MYO1G: variants seen among roughly 807,000 people sequenced by gnomAD.
MYO1G encodes unconventional myosin-Ig.
A neutral mutation model predicts 115.3 loss-of-function variants in MYO1G; 65 were observed. That is an observed-to-expected ratio of 0.56 (90% confidence interval 0.46 to 0.69). MYO1G has a LOEUF of 0.69. MYO1G is among the 30% of genes least tolerant of loss of function. The probability of loss-of-function intolerance (pLI) is 0.00; values close to 1 mark genes in which losing one functional copy is unlikely to be tolerated. For synonymous variants in MYO1G, 510 were observed against 552.6 expected, an observed-to-expected ratio of 0.92 and a Z score of 1.08; for missense variants, 1,204 against 1,393.5, an observed-to-expected ratio of 0.86 and a Z score of 2.16.
At position 44,976,872 on chromosome 7, in the gene MYO1G, C is replaced by T. The variant is rs773866590; in HGVS notation, c.295G>A (p.Val99Ile). Residue 99 changes from valine to isoleucine, a missense_variant, in exon 2 of 22, where the codon GTC becomes ATC. Transcript: ENST00000258787. ...MKHRSRDTCIVISGESGAGKT... is the reference protein window; with the variant it reads ...MKHRSRDTCIIISGESGAGKT... Reference sequence around the variant, plus strand: ...CGGCAGGGACAGGTACCTGAGATGACGATGCAGGTGTCCCTGGACCGGTGC... The same window carrying T: ...CGGCAGGGACAGGTACCTGAGATGATGATGCAGGTGTCCCTGGACCGGTGC... 185 of 1,613,178 alleles carry T rather than the reference C, an allele frequency of 1.1e-4. No individual in the cohort carries two copies. The highest frequency in any genetic ancestry group is 1.5e-4 in the Non-Finnish European group (178 of 1,179,990).
rs889780538 is a variant in MYO1G, at chr7:44,963,964, G to T, written c.2745+85C>A. 6.3e-6 allele frequency: 7 copies of T among 1,111,236 alleles called. No individual in the cohort carries two copies. The African/African-American group carries it at 1.1e-4, about 17-fold the overall frequency. 68.8% of individuals were successfully genotyped at this position (1,111,236 alleles called of 1,614,324 possible). ...GTCTGGGCCATCTCAGGTAAACAGG[G>T]GAGAGAAGACTGAGGCAGGACTCTG... On this transcript the variant is annotated intron_variant, in intron 20 of 21. Transcript: ENST00000258787. This position sits in a 1 kb window ranked among gnomAD's most constrained non-coding sequence, Gnocchi z 4.1.
Position 44,969,298 on chromosome 7 carries a change from C to T in MYO1G, c.1574+115G>A. 3 of 911,070 alleles carry T rather than the reference C, an allele frequency of 3.3e-6. No individual in the cohort carries two copies. In the East Asian group the frequency reaches 7.2e-5, roughly 22 times the overall value. 56.4% of individuals were successfully genotyped at this position (911,070 alleles called of 1,614,324 possible). ...CAGTGTCTTAAAGGGGTGGGGGTGG[C>T]AGAAGTGGCCATAACACCTGTCTCC... On this transcript the variant is annotated intron_variant, in intron 12 of 21. Transcript: ENST00000258787. This position sits in a 1 kb window ranked among gnomAD's most constrained non-coding sequence, Gnocchi z 5.0.
rs78541566 is a variant in MYO1G at position 44,977,132 on chromosome 7, G to A, written c.96-61C>T. Reference sequence around the variant, plus strand: ...GCTTACAGGCACCCACAGGCCTTTCGCCAGAGCCCATATCAGGGCCTGGCC... The same window carrying A: ...GCTTACAGGCACCCACAGGCCTTTCACCAGAGCCCATATCAGGGCCTGGCC... On this transcript the variant is annotated intron_variant, in intron 1 of 21. Transcript: ENST00000258787. 2.8e-3 allele frequency: 4,230 copies of A among 1,532,672 alleles called. 103 individuals carry two copies. The African/African-American group carries it at 0.052, about 19-fold the overall frequency. 94.9% of individuals were successfully genotyped at this position (1,532,672 alleles called of 1,614,324 possible).
At position 44,964,206 on chromosome 7, in the gene MYO1G, C is replaced by A; in HGVS notation, c.2632-44G>T. ...GACCCAGGCTGGTGCTGCCCTGTCA[C>A]CCACCAGGGCCCCAGGCTTCGGCAG... On this transcript the variant is annotated intron_variant, in intron 19 of 21. Transcript: ENST00000258787. This position sits in a 1 kb window ranked among gnomAD's most constrained non-coding sequence, Gnocchi z 5.1. 1.3e-6 allele frequency: 2 copies of A among 1,506,934 alleles called. No individual in the cohort carries two copies. The highest frequency in any genetic ancestry group is 9.1e-7 in the Non-Finnish European group (1 of 1,103,110). 93.3% of individuals were successfully genotyped at this position (1,506,934 alleles called of 1,614,324 possible). A position where few individuals can be genotyped will look rare whatever the true frequency, so the allele number is the denominator to read the frequency against.
intron 3 of MYO1G, 64 bp downstream of exon 3, chr7:44,976,500 T>C: frequency 6.6e-7 from 1 of 1,511,352 alleles, no homozygotes. Flanking sequence ...GAGCCAGCCC[T>C]TCCTGCCACA....
chr7:44,973,686 T>C (rs1247363060), intron 5 of MYO1G: 2 of 151,186 alleles, frequency 1.3e-5, no homozygotes, highest in African/African-American at 4.9e-5. Context: ...GTGGAGACCC[T>C]GGCAACGTCC....
At position 44,970,643 on chromosome 7, in the gene MYO1G, G is replaced by A. The variant is rs746021934; in HGVS notation, c.1166C>T (p.Thr389Ile). 4 of 1,613,894 alleles carry A rather than the reference G, an allele frequency of 2.5e-6. No individual in the cohort carries two copies. Among genetic ancestry groups the A allele is most frequent in the Non-Finnish European group, 3.4e-6 (4 of 1,180,042 alleles). Residue 389 changes from threonine (T) to isoleucine (I), a missense_variant, in exon 9 of 22, where the codon ACA becomes ATA. Thr to Ile is a moderately conservative substitution (Grantham distance 89, BLOSUM62 -1). Transcript: ENST00000258787. ...GRDPRRDGKD[T>I]VIGVLDIYGF... is the part of the protein sequence containing the mutation. Reference sequence around the variant, plus strand: ...ATAGATGTCCAGCACGCCAATGACTGTGTCCTTGCCATCACGCCGAGGATC... The same window carrying A: ...ATAGATGTCCAGCACGCCAATGACTATGTCCTTGCCATCACGCCGAGGATC...
chr7:44,970,829 A>G lies in MYO1G; in HGVS notation c.1071+6T>C. On this transcript the variant is annotated splice_donor_region_variant and intron_variant, in intron 8 of 21. Transcript: ENST00000258787. ...GCTTCCCTCCCTGTGCCTGCCCCCA[A>G]AGTACCTTGGCACAGGCATCCCGGG... 1 of 1,613,578 alleles carries G rather than the reference A, an allele frequency of 6.2e-7. No homozygotes were observed. The highest frequency in any genetic ancestry group is 1.1e-5 in the South Asian group (1 of 91,076).
chr7:44,966,655 G>C lies in MYO1G; in HGVS notation c.1949+17C>G, dbSNP rs758078643. 1 of 1,612,914 alleles carries C rather than the reference G, an allele frequency of 6.2e-7. No homozygotes were observed. The highest frequency in any genetic ancestry group is 1.1e-5 in the South Asian group (1 of 91,040). ...GGGACTATGGCCCATGGAGTGATGG[G>C]TGTCAGGTGCCAGTACCTGAGCAGG... On this transcript the variant is annotated intron_variant, in intron 15 of 21. Transcript: ENST00000258787. The surrounding 1 kb of genome is among the most constrained non-coding windows in gnomAD (Gnocchi z 5.0).
At position 44,964,399 on chromosome 7, in the gene MYO1G, T is replaced by G; in HGVS notation, c.2631+16A>C. The G allele has an allele frequency of 1.2e-6, 2 of 1,606,374 alleles. No individual in the cohort carries two copies. The highest frequency in any genetic ancestry group is 1.3e-5 in the African/African-American group (1 of 74,862). ...AAAGAGCACAGCCCTGAAGCCATCC[T>G]TGTCCCTTGTCTAACCTTGCGGACA... On this transcript the variant is annotated intron_variant, in intron 19 of 21. Transcript: ENST00000258787. The surrounding 1 kb of genome is among the most constrained non-coding windows in gnomAD (Gnocchi z 5.1).
rs1393658174 is a variant in MYO1G at position 44,966,190 on chromosome 7, C to T, written c.2040G>A (p.Leu680=). ...TGTGGCCAAAGGCCACGTCCCCCTG[C>T]AGCCCGTGCTGCTCCAGGAGAGCGC... ...AVSALLEQHG[L]QGDVAFGHSK... Residue 680 remains leucine (L), a synonymous_variant, in exon 16 of 22, where the codon CTG becomes CTA. Coordinates refer to ENST00000258787, the MANE Select transcript of MYO1G (RefSeq NM_033054.3). This position sits in a 1 kb window ranked among gnomAD's most constrained non-coding sequence, Gnocchi z 5.0. 2 of 1,612,854 alleles carry T rather than the reference C, an allele frequency of 1.2e-6. No homozygotes were observed. Among genetic ancestry groups the T allele is most frequent in the Non-Finnish European group, 1.7e-6 (2 of 1,179,894 alleles).
intron 2 of MYO1G, 62 bp downstream of exon 2, chr7:44,976,801 C>A (rs933446029): frequency 1.9e-6 from 3 of 1,590,898 alleles, no homozygotes; most frequent in Non-Finnish European, 2.6e-6. Flanking sequence ...GCTCTAATGG[C>A]CCTCCCAAAT....
At position 44,965,017 on chromosome 7, in the gene MYO1G, G is replaced by A; in HGVS notation, c.2454C>T (p.Ala818=). The change falls in exon 18 of 22, where the codon GCC becomes GCT. Residue 818 remains alanine, a synonymous_variant. Coordinates refer to ENST00000258787, the MANE Select transcript of MYO1G (RefSeq NM_033054.3). ...GACGAAGCCCTTGCAGGGCCCCCATGGCGGCCACCTTGGCCTTGATCTGGG... is the reference window on the plus strand; with the variant it reads ...GACGAAGCCCTTGCAGGGCCCCCATAGCGGCCACCTTGGCCTTGATCTGGG... ...DMPQIKAKVA[A]MGALQGLRQD... 1 of 1,611,424 alleles carries A rather than the reference G, an allele frequency of 6.2e-7. No homozygotes were observed. The highest frequency in any genetic ancestry group is 8.5e-7 in the Non-Finnish European group (1 of 1,178,554).
At position 44,969,431 on chromosome 7, in the gene MYO1G, T is replaced by A. The variant is rs1460482427; in HGVS notation, c.1556A>T (p.His519Leu). Residue 519 changes from histidine (H) to leucine (L), a missense_variant, in exon 12 of 22, where the codon CAC (histidine) becomes CTC (leucine). By Grantham distance (99) the His-to-Leu change is moderately conservative. Coordinates refer to ENST00000258787, the MANE Select transcript of MYO1G (RefSeq NM_033054.3). This position sits in a 1 kb window ranked among gnomAD's most constrained non-coding sequence, Gnocchi z 5.0. ...MEFGRDFRIK[H>L]YAGDVTYSVE... ...CCCTTACGTGACGTCCCCTGCATAG[T>A]GCTTGATCCGGAAGTCTCGGCCAAA... The A allele has an allele frequency of 6.8e-6, 11 of 1,613,692 alleles. No individual in the cohort carries two copies. The highest frequency in any genetic ancestry group is 7.6e-6 in the Non-Finnish European group (9 of 1,179,992).
chr7:44,976,855 A>G lies in MYO1G; in HGVS notation c.304+8T>C. On this transcript the variant is annotated splice_region_variant and intron_variant, in intron 2 of 21. Coordinates refer to ENST00000258787, the MANE Select transcript of MYO1G (RefSeq NM_033054.3). ...CGAGGGTGGGGGCCCGGCGGCAGGG[A>G]CAGGTACCTGAGATGACGATGCAGG... is the stretch of plus-strand genomic sequence containing the variant. 1 of 1,612,976 alleles carries G rather than the reference A, an allele frequency of 6.2e-7. No homozygotes were observed. Among genetic ancestry groups the G allele is most frequent in the Non-Finnish European group, 8.5e-7 (1 of 1,179,838 alleles).
rs1794941241 is a variant in MYO1G, at chr7:44,970,744, G to C, written c.1072-7C>G. The C allele has an allele frequency of 6.2e-7, 1 of 1,613,922 alleles. No individual in the cohort carries two copies. The highest frequency in any genetic ancestry group is 8.5e-7 in the Non-Finnish European group (1 of 1,180,000). On this transcript the variant is annotated splice_polypyrimidine_tract_variant and splice_region_variant and intron_variant, in intron 8 of 21. Transcript: ENST00000258787. ...ACAGCCGCTGGTACACTGCCTGGGG[G>C]ATAGGAACACCCTGCTTCCTGCTGC...
chr7:44,965,123 CCATGTGTT>C, intron 17 of MYO1G, 34 bp from the exon 18 acceptor site: 1 of 1,584,176 alleles, frequency 6.3e-7, no homozygotes, highest in Non-Finnish European at 8.6e-7. Context: ...CAGATGCTGG[CCATGTGTT>C]CATGTGCTCC....
intron 1 of MYO1G, among the ~76,000 whole-genome samples, chr7:44,978,478 G>A (rs892470406): frequency 6.6e-6 from 1 of 152,222 alleles, no homozygotes; most frequent in African/African-American, 2.4e-5. Flanking sequence ...GCTGGGAAGT[G>A]GCTGGAGGGA....
rs776971482 is a variant in MYO1G, at chr7:44,962,719, G to A, written c.*20C>T. 6.9e-7 allele frequency: 1 copy of A among 1,452,126 alleles called. No individual in the cohort carries two copies. Among genetic ancestry groups the A allele is most frequent in the Non-Finnish European group, 9.0e-7 (1 of 1,112,584 alleles). The allele number at this position is 1,452,126 out of a possible 1,614,324, so 90.0% of individuals were successfully genotyped here. A position where few individuals can be genotyped will look rare whatever the true frequency, so the allele number is the denominator to read the frequency against. On this transcript the variant is annotated 3_prime_UTR_variant, in exon 22 of 22. Coordinates refer to ENST00000258787, the MANE Select transcript of MYO1G (RefSeq NM_033054.3). This position sits in a 1 kb window ranked among gnomAD's most constrained non-coding sequence, Gnocchi z 5.3. Reference sequence around the variant, plus strand: ...CGGGGCGGACAATTGGCGGCCTCGGGGTGCGGCGGGTGCGGGCGCTCAGCG... The same window carrying A: ...CGGGGCGGACAATTGGCGGCCTCGGAGTGCGGCGGGTGCGGGCGCTCAGCG...
Sources: gnomAD v4.1 joint callset for allele counts (sites outside exome capture counted in the v4.1 genomes callset) on GRCh38, gnomAD v4.1.1 for gene constraint, Gnocchi (gnomAD v3.1) non-coding constraint, MANE v1.5 for transcripts, NCBI Gene and HGNC (gene_info 2026-07-23, HGNC 2026-07-21) for gene names.